VTI1A: variants seen among roughly 807,000 people sequenced by gnomAD.
VTI1A encodes the protein vesicle transport through interaction with t-SNAREs homolog 1A.
Under a neutral mutation model 34.9 loss-of-function variants are expected in VTI1A, and 22 were observed. The ratio of observed to expected loss-of-function variants is 0.63; its 90% confidence interval spans 0.45 to 0.90. The LOEUF (loss-of-function observed/expected upper bound fraction) is 0.90, where lower values mean the gene tolerates loss of function less well. Ranked by LOEUF, VTI1A falls within the 40% of genes least tolerant of loss-of-function variation. The pLI, the probability that VTI1A is intolerant of heterozygous loss-of-function variation, is 0.00. For missense variants in VTI1A, 268 were observed against 275.6 expected (o/e 0.97, Z 0.20); for synonymous variants, 87 against 97.3 (o/e 0.89, Z 0.62).
intron 7 of VTI1A, among the ~76,000 whole-genome samples, chr10:112,811,336 T>G (rs1202501237): frequency 6.6e-6 from 1 of 152,156 alleles, no homozygotes; most frequent in East Asian, 1.9e-4. Flanking sequence ...CAGCTGGCAG[T>G]GACACTCAGA....
chr10:112,605,508 C>T (rs1226853648), intron 5 of VTI1A, among the ~76,000 whole-genome samples: 3 of 152,156 alleles, frequency 2.0e-5, no homozygotes, highest in Non-Finnish European at 4.4e-5. Flanking sequence ...TCCATGGATT[C>T]GCCTAACTCC....
At chr10:112,636,269 A>G (rs541935160) in intron 5 of VTI1A, among the ~76,000 whole-genome samples, 3 of 152,316 alleles carry the variant, frequency 2.0e-5, no homozygotes, top group Admixed American at 6.5e-5. Flanking sequence ...GAGCTCATCA[A>G]CTCACATAGT....
intron 3 of VTI1A, among the ~76,000 whole-genome samples, chr10:112,477,335 G>A (rs1231122343): frequency 6.6e-6 from 1 of 152,172 alleles, no homozygotes; most frequent in Non-Finnish European, 1.5e-5. Flanking sequence ...ATGCTTAAGT[G>A]CGATCATATT....
chr10:112,740,180 C>T (rs1850642749), intron 7 of VTI1A, among the ~76,000 whole-genome samples: 1 of 152,218 alleles, frequency 6.6e-6, no homozygotes, highest in South Asian at 2.1e-4. Context: ...TTCCTGCACT[C>T]TCTTCCATTC....
intron 7 of VTI1A, 151 bp from the exon 8 acceptor site, chr10:112,815,139 G>GCACACA (rs71489986): frequency 0.065 from 11,738 of 180,028 alleles, 424 homozygotes; most frequent in Admixed American, 0.12. Flanking sequence ...TTTCGCGCGC[G>GCACACA]CACACACACA....
intron 5 of VTI1A, among the ~76,000 whole-genome samples, chr10:112,558,816 C>T (rs1389228620): frequency 6.6e-6 from 1 of 152,194 alleles, no homozygotes; most frequent in Non-Finnish European, 1.5e-5. Flanking sequence ...GTATGCATCC[C>T]TACGGTTGTC....
chr10:112,509,595 G>A (rs957017382), intron 3 of VTI1A, among the ~76,000 whole-genome samples: 22 of 152,210 alleles, frequency 1.4e-4, no homozygotes, highest in African/African-American at 3.9e-4. Flanking sequence ...GGGCTACCAT[G>A]CCCAAAGATA....
chr10:112,690,923 C>T (rs950335084), intron 7 of VTI1A, among the ~76,000 whole-genome samples: 1 of 152,160 alleles, frequency 6.6e-6, no homozygotes, highest in Non-Finnish European at 1.5e-5. Context: ...TGCCCCAGCC[C>T]TCCTTCAGAA....
chr10:112,826,882 G>T, the VTI1A span: 1 of 152,142 alleles, frequency 6.6e-6, no homozygotes, highest in Non-Finnish European at 1.5e-5. Context: ...AAGTAATACT[G>T]CTTTAAGGTA....
chr10:112,673,546 ACTTCCTTATGCGTGGAGCTG>A, intron 7 of VTI1A, among the ~76,000 whole-genome samples: 1 of 152,320 alleles, frequency 6.6e-6, no homozygotes, highest in African/African-American at 2.4e-5. Context: ...AGTATGGTTA[ACTTCCTTATGCGTGGAGCTG>A]CTAAGAGGTC....
At chr10:112,725,801 G>T (rs1431922370) in intron 7 of VTI1A, among the ~76,000 whole-genome samples, 1 of 152,178 alleles carries the variant, frequency 6.6e-6, no homozygotes, top group Non-Finnish European at 1.5e-5. Context: ...TTGCTTGTTT[G>T]TTTTGAGCAT....
intron 5 of VTI1A, among the ~76,000 whole-genome samples, chr10:112,662,028 T>A (rs1847480724): frequency 6.6e-6 from 1 of 152,154 alleles, no homozygotes; most frequent in South Asian, 2.1e-4. Context: ...TGCCTTGGCC[T>A]CCCAAACTGC....
At chr10:112,654,624 C>CTGGGA (rs1225333928) in intron 5 of VTI1A, among the ~76,000 whole-genome samples, 2 of 152,078 alleles carry the variant, frequency 1.3e-5, no homozygotes, top group Non-Finnish European at 2.9e-5. Context: ...TCCCGAGTAG[C>CTGGGA]TGGGACTACA....
chr10:112,775,986 T>C (rs1851945224), intron 7 of VTI1A, among the ~76,000 whole-genome samples: 1 of 152,146 alleles, frequency 6.6e-6, no homozygotes, highest in Non-Finnish European at 1.5e-5. Context: ...CTTCGCACTC[T>C]AAGTGTTTCC....
chr10:112,511,919 G>A (rs767453348), intron 3 of VTI1A, among the ~76,000 whole-genome samples: 1 of 152,136 alleles, frequency 6.6e-6, no homozygotes, highest in Non-Finnish European at 1.5e-5. Flanking sequence ...TGCCTGGATA[G>A]GATTTCATTC....
At chr10:112,456,542 C>T (rs747116154) in intron 1 of VTI1A, among the ~76,000 whole-genome samples, 2 of 151,958 alleles carry the variant, frequency 1.3e-5, no homozygotes, top group Non-Finnish European at 2.9e-5. Context: ...CTCAGGACCT[C>T]GCCTAGAAGG....
chr10:112,637,740 TA>T (rs1256371087), intron 5 of VTI1A, among the ~76,000 whole-genome samples: 4 of 152,140 alleles, frequency 2.6e-5, no homozygotes, highest in African/African-American at 9.7e-5. Flanking sequence ...AAAAGTAAAG[TA>T]AAATTGTAAA....
intron 7 of VTI1A, among the ~76,000 whole-genome samples, chr10:112,756,325 A>T (rs1302018462): frequency 2.0e-5 from 3 of 152,196 alleles, no homozygotes; most frequent in Non-Finnish European, 4.4e-5. Flanking sequence ...TTTTGCAGAT[A>T]AAGATCCCGG....
chr10:112,514,676 A>G (rs1849715885), intron 3 of VTI1A, among the ~76,000 whole-genome samples: 2 of 151,914 alleles, frequency 1.3e-5, no homozygotes, highest in Non-Finnish European at 1.5e-5. Flanking sequence ...TGCATCCCAT[A>G]AGTATTGGTA....
Sources: allele counts gnomAD v4.1 joint callset (sites outside exome capture counted in the v4.1 genomes callset), GRCh38; gene constraint gnomAD v4.1.1; transcripts MANE v1.5; gene names NCBI Gene and HGNC (gene_info 2026-07-23, HGNC 2026-07-21).